Variants in EDC3 observed in about 807,000 individuals in gnomAD.
The protein encoded by EDC3 is enhancer of mRNA decapping 3.
A neutral mutation model predicts 41.8 loss-of-function variants in EDC3; 20 were observed. The observed-to-expected ratio is 0.48, with a 90% CI of 0.34 to 0.70. The LOEUF (loss-of-function observed/expected upper bound fraction) is 0.70, where lower values mean the gene tolerates loss of function less well. EDC3 is among the 30% of genes least tolerant of loss of function. The pLI is 0.01. For synonymous variants in EDC3, 206 were observed against 243.2 expected (o/e 0.85, Z 1.42); for missense variants, 444 against 636.8 (o/e 0.70, Z 3.26).
chr15:74,661,575 C>T (rs556985102), intron 3 of EDC3, among the ~76,000 whole-genome samples: 21 of 151,804 alleles, frequency 1.4e-4, no homozygotes, highest in East Asian at 1.9e-4. Flanking sequence ...GTCAGAAGTT[C>T]GAGACCAGCA....
intron 1 of EDC3, among the ~76,000 whole-genome samples, chr15:74,682,559 A>C (rs1368382484): frequency 7.0e-6 from 1 of 142,318 alleles, no homozygotes; most frequent in Non-Finnish European, 1.5e-5. Context: ...TGGAGCTTGC[A>C]GTGAGCCGAG....
Position 74,671,327 on chromosome 15 carries a change from T to C in EDC3, c.484+128A>G, listed in dbSNP as rs1249652064. ...CTGGAGGAAGAGAACCATGTTGTAT[T>C]TCTGTGACGCTCAGCCAGCATCCAT... On this transcript the variant is annotated intron_variant, in intron 3 of 6. Coordinates refer to ENST00000315127, the MANE Select transcript of EDC3 (RefSeq NM_025083.5). This position sits in a 1 kb window ranked among gnomAD's most constrained non-coding sequence, Gnocchi z 4.6. 7.5e-6 allele frequency: 8 copies of C among 1,072,170 alleles called. No individual in the cohort carries two copies. In the East Asian group the frequency reaches 1.7e-4, roughly 23 times the overall value. 66.4% of individuals were successfully genotyped at this position (1,072,170 alleles called of 1,614,324 possible).
chr15:74,690,315 T>C (rs1159599002), intron 1 of EDC3, among the ~76,000 whole-genome samples: 2 of 152,276 alleles, frequency 1.3e-5, no homozygotes, highest in East Asian at 3.8e-4. Flanking sequence ...AGATAAGTAA[T>C]GGGACTTTAT....
At chr15:74,656,406 AAC>A (rs143925363) in intron 3 of EDC3, among the ~76,000 whole-genome samples, 159 of 145,872 alleles carry the variant, frequency 1.1e-3, no homozygotes, top group East Asian at 2.8e-3. Context: ...TCTGTCTCAA[AAC>A]ACACACACAC....
At chr15:74,692,464 AT>A (rs1377176495) in intron 1 of EDC3, among the ~76,000 whole-genome samples, 1 of 152,180 alleles carries the variant, frequency 6.6e-6, no homozygotes, top group Non-Finnish European at 1.5e-5. Flanking sequence ...TACACAAACT[AT>A]TTCAGAAAAC....
chr15:74,671,413 A>G lies in EDC3; in HGVS notation c.484+42T>C, dbSNP rs376915971. On this transcript the variant is annotated intron_variant, in intron 3 of 6. Coordinates refer to ENST00000315127, the MANE Select transcript of EDC3 (RefSeq NM_025083.5). This position sits in a 1 kb window ranked among gnomAD's most constrained non-coding sequence, Gnocchi z 4.6. ...GCAGTGCTTATGGCTTATAGCCCTG[A>G]AACACCAGATTGAGAAGAAATATCA... is the stretch of plus-strand genomic sequence containing the variant. The G allele has an allele frequency of 2.0e-5, 31 of 1,580,440 alleles. No homozygotes were observed. The African/African-American group carries it at 3.6e-4, about 19-fold the overall frequency.
At position 74,655,742 on chromosome 15, in the gene EDC3, A is replaced by G; in HGVS notation, c.811T>C (p.Phe271Leu). 1 of 1,608,696 alleles carries G rather than the reference A, an allele frequency of 6.2e-7. No individual in the cohort carries two copies. Among genetic ancestry groups the G allele is most frequent in the Non-Finnish European group, 8.5e-7 (1 of 1,175,712 alleles). The change falls in exon 4 of 7, where the codon TTC becomes CTC. Residue 271 changes from phenylalanine to leucine, a missense_variant. Phe to Leu is a conservative substitution (Grantham distance 22, BLOSUM62 0). Coordinates refer to ENST00000315127, the MANE Select transcript of EDC3 (RefSeq NM_025083.5). ...IIVPHNVSKE[F>L]CTDSGLVVPS... ...ACCTGATGCAACTCACCCGTGCAGA[A>G]CTCCTTGCTCACGTTGTGGGGCACT...
intron 2 of EDC3, among the ~76,000 whole-genome samples, chr15:74,674,527 G>A (rs937647941): frequency 6.6e-6 from 1 of 152,180 alleles, no homozygotes; most frequent in Non-Finnish European, 1.5e-5. Flanking sequence ...AAAGATAATG[G>A]TAGGGTACGG....
chr15:74,654,593 T>G (rs1255437037), intron 4 of EDC3, among the ~76,000 whole-genome samples: 1 of 152,112 alleles, frequency 6.6e-6, no homozygotes, highest in African/African-American at 2.4e-5. Flanking sequence ...CACTGCCACT[T>G]AAGGAAACCA....
rs182565573 is a variant in EDC3, at chr15:74,646,320, G to A, written c.821-5701C>T. Among the ~76,000 whole-genome samples, 113 of 152,214 alleles carry A rather than the reference G, an allele frequency of 7.4e-4. 1 individual carries two copies. Among genetic ancestry groups the A allele is most frequent in the Admixed American group, 1.1e-3 (17 of 15,288 alleles). On this transcript the variant is annotated intron_variant, in intron 4 of 6. Coordinates refer to ENST00000315127, the MANE Select transcript of EDC3 (RefSeq NM_025083.5). ...ACTCCTGACCCCAGGTGATCCACCC[G>A]CCTCGACCTCCCAAAGTGTTGGGAT... is the stretch of plus-strand genomic sequence containing the variant.
chr15:74,671,812 T>C lies in EDC3; in HGVS notation c.165-38A>G, dbSNP rs772868320. 15 of 1,586,174 alleles carry C rather than the reference T, an allele frequency of 9.5e-6. No homozygotes were observed. The highest frequency in any genetic ancestry group is 1.3e-5 in the African/African-American group (1 of 74,288). ...AAAAAGCCAAGTCTCAAAATTATAA[T>C]AGTGGTAAGAATGATGAAACTGAGA... On this transcript the variant is annotated intron_variant, in intron 2 of 6. Transcript: ENST00000315127. This position sits in a 1 kb window ranked among gnomAD's most constrained non-coding sequence, Gnocchi z 4.6.
At chr15:74,651,525 G>A (rs779293694) in intron 4 of EDC3, among the ~76,000 whole-genome samples, 20 of 152,234 alleles carry the variant, frequency 1.3e-4, no homozygotes, top group Non-Finnish European at 2.5e-4. Flanking sequence ...CTTATGTACT[G>A]TTGGTTGACA....
intron 3 of EDC3, among the ~76,000 whole-genome samples, chr15:74,656,452 A>G (rs879325742): frequency 3.6e-4 from 54 of 150,496 alleles, no homozygotes; most frequent in Non-Finnish European, 6.7e-4. Flanking sequence ...AACAACAACA[A>G]ATATTACCCA....
intron 4 of EDC3, among the ~76,000 whole-genome samples, chr15:74,653,830 T>C (rs1415656187): frequency 6.6e-6 from 1 of 152,138 alleles, no homozygotes; most frequent in Non-Finnish European, 1.5e-5. Context: ...TACCTCTGCT[T>C]TTGTCCATGT....
At chr15:74,667,547 T>A (rs2062691147) in intron 3 of EDC3, among the ~76,000 whole-genome samples, 1 of 148,398 alleles carries the variant, frequency 6.7e-6, no homozygotes, top group Non-Finnish European at 1.5e-5. Flanking sequence ...GTAGTAAGCA[T>A]CTTTCAGTGT....
chr15:74,635,380 C>G, intron 6 of EDC3, 29 bp downstream of exon 6: 1 of 1,609,842 alleles, frequency 6.2e-7, no homozygotes, highest in Non-Finnish European at 8.5e-7. Context: ...GGGAGGAGGC[C>G]TTCAGCCCAG....
rs943594879 is a variant in EDC3 at position 74,672,535 on chromosome 15, A to G, written c.165-761T>C. Among the ~76,000 whole-genome samples the G allele has an allele frequency of 5.9e-5, 9 of 151,838 alleles. No individual in the cohort carries two copies. In the East Asian group the frequency reaches 1.8e-3, roughly 30 times the overall value. On this transcript the variant is annotated intron_variant, in intron 2 of 6. Transcript: ENST00000315127. The stretch of plus-strand genomic sequence containing the variant: ...ATATTCAATCAAAAGTGTTAAATGG[A>G]CTGGGCACCATGGCTCATGCCTATA...
intron 1 of EDC3, among the ~76,000 whole-genome samples, chr15:74,677,755 A>G (rs1399040127): frequency 6.6e-6 from 1 of 152,216 alleles, no homozygotes; most frequent in Non-Finnish European, 1.5e-5. Context: ...ATTTACCCAG[A>G]TGAACTGAAA....
chr15:74,671,438 A>G lies in EDC3; in HGVS notation c.484+17T>C. On this transcript the variant is annotated intron_variant, in intron 3 of 6. Transcript: ENST00000315127. The surrounding 1 kb of genome is among the most constrained non-coding windows in gnomAD (Gnocchi z 4.6). ...AAACACCAGATTGAGAAGAAATATC[A>G]ACTTGACCCTACTTACAGGAGTTGT... 3.1e-6 allele frequency: 5 copies of G among 1,600,206 alleles called. No individual in the cohort carries two copies. The highest frequency in any genetic ancestry group is 4.3e-6 in the Non-Finnish European group (5 of 1,169,862).
Sources: allele counts gnomAD v4.1 joint callset (sites outside exome capture counted in the v4.1 genomes callset), GRCh38; gene constraint gnomAD v4.1.1; non-coding constraint Gnocchi (gnomAD v3.1); transcripts MANE v1.5; gene names NCBI Gene and HGNC (gene_info 2026-07-23, HGNC 2026-07-21).